Variants in SYT16 observed in about 807,000 individuals in gnomAD.
SYT16 encodes the protein synaptotagmin-16.
SYT16 carries 42 observed loss-of-function variants against 61.4 expected under a neutral mutation model. The observed-to-expected ratio is 0.68, with a 90% CI of 0.53 to 0.89. SYT16 has a LOEUF of 0.89. Ranked by LOEUF, SYT16 falls within the 40% of genes least tolerant of loss-of-function variation. The probability of loss-of-function intolerance (pLI) is 0.00; values close to 1 mark genes in which losing one functional copy is unlikely to be tolerated. For synonymous variants in SYT16, 314 were observed against 302.3 expected (o/e 1.04, Z -0.40); for missense variants, 804 against 807.3 (o/e 1.00, Z 0.05).
At chr14:61,971,419 C>G (rs1169144334) in intron 2 of SYT16, among the ~76,000 whole-genome samples, 3 of 152,100 alleles carry the variant, frequency 2.0e-5, no homozygotes, top group Non-Finnish European at 4.4e-5. Context: ...GTCAGAGTCC[C>G]CTCCAGGATG....
At chr14:62,000,439 A>G (rs886150120) in intron 3 of SYT16, among the ~76,000 whole-genome samples, 1 of 151,712 alleles carries the variant, frequency 6.6e-6, no homozygotes, top group African/African-American at 2.4e-5. Flanking sequence ...CTTTAAACCT[A>G]TTTTATGTGG....
At chr14:61,833,970 ATTT>A (rs544826072) in intron 1 of SYT16, among the ~76,000 whole-genome samples, 3 of 117,290 alleles carry the variant, frequency 2.6e-5, no homozygotes, top group African/African-American at 6.3e-5. Flanking sequence ...TCTGGCTTTG[ATTT>A]TTTTTTTTTT....
chr14:61,914,144 T>C (rs993794338), intron 1 of SYT16, among the ~76,000 whole-genome samples: 2 of 152,158 alleles, frequency 1.3e-5, no homozygotes, highest in African/African-American at 2.4e-5. Context: ...GGGATAGCAT[T>C]AATTTCTCTG....
intron 1 of SYT16, among the ~76,000 whole-genome samples, chr14:61,830,412 G>T (rs1054570112): frequency 6.6e-6 from 1 of 152,208 alleles, no homozygotes; most frequent in African/African-American, 2.4e-5. Flanking sequence ...TGGCTTGAAT[G>T]TCGATTTAGT....
chr14:61,816,959 C>A (rs550780539), intron 1 of SYT16, among the ~76,000 whole-genome samples: 19 of 148,600 alleles, frequency 1.3e-4, no homozygotes, highest in Admixed American at 1.2e-3. Flanking sequence ...TGCAGTGAGC[C>A]GAGATCCTGC....
chr14:61,834,358 T>C (rs1198835373), intron 1 of SYT16, among the ~76,000 whole-genome samples: 1 of 150,904 alleles, frequency 6.6e-6, no homozygotes. Flanking sequence ...TCTTAGACTC[T>C]TGGCCTCGTG....
chr14:62,063,334 G>A (rs2055911489), intron 3 of SYT16, among the ~76,000 whole-genome samples: 2 of 152,186 alleles, frequency 1.3e-5, no homozygotes. Context: ...CATGATGGGG[G>A]ATGCTGATGA....
Position 61,978,939 on chromosome 14 carries a change from A to G in SYT16, c.-145+8628A>G, listed in dbSNP as rs143507761. Among the ~76,000 whole-genome samples, 146 of 152,352 alleles carry G rather than the reference A, an allele frequency of 9.6e-4. 4 individuals carry two copies. The East Asian group carries it at 0.026, about 27-fold the overall frequency. ...TAAGATTATTCAAGATTGTCAAATTATAACCAACTTTAATTTAAATTCAAG... is the reference window on the plus strand; with the variant it reads ...TAAGATTATTCAAGATTGTCAAATTGTAACCAACTTTAATTTAAATTCAAG... On this transcript the variant is annotated intron_variant, in intron 2 of 7. Transcript: ENST00000683842.
chr14:62,054,360 G>GTTGTGTTTTTTTTTT (rs1411904235), intron 3 of SYT16, among the ~76,000 whole-genome samples: 66 of 118,246 alleles, frequency 5.6e-4, no homozygotes, highest in Admixed American at 2.3e-3. Context: ...AGTGAAGTGA[G>GTTGTGTTTTTTTTTT]TTTTTTTTTT....
intron 1 of SYT16, among the ~76,000 whole-genome samples, chr14:61,871,738 T>C (rs2047339371): frequency 6.6e-6 from 1 of 152,204 alleles, no homozygotes; most frequent in Non-Finnish European, 1.5e-5. Flanking sequence ...CACATGAAAT[T>C]ACAATAATTA....
intron 1 of SYT16, among the ~76,000 whole-genome samples, chr14:61,901,381 A>G (rs896344157): frequency 2.6e-5 from 4 of 152,114 alleles, no homozygotes; most frequent in African/African-American, 7.2e-5. Context: ...CCTCCCAGCC[A>G]TCTTTGTTGC....
intron 1 of SYT16, among the ~76,000 whole-genome samples, chr14:61,949,788 C>T (rs528897378): frequency 1.1e-4 from 16 of 152,294 alleles, no homozygotes; most frequent in African/African-American, 3.6e-4. Flanking sequence ...CTTTAGCCCC[C>T]TGTGATTCTG....
At chr14:62,097,502 C>T (rs1304826769) in intron 7 of SYT16, among the ~76,000 whole-genome samples, 1 of 152,184 alleles carries the variant, frequency 6.6e-6, no homozygotes, top group African/African-American at 2.4e-5. Flanking sequence ...AGACCCTGGT[C>T]ATGCTCCCCA....
At chr14:62,091,043 C>T (rs907359380) in intron 7 of SYT16, among the ~76,000 whole-genome samples, 8 of 152,222 alleles carry the variant, frequency 5.3e-5, no homozygotes, top group Admixed American at 1.3e-4. Flanking sequence ...ATGGGAGCCA[C>T]AATTCAAGAT....
At chr14:61,943,454 C>T (rs2050289376) in intron 1 of SYT16, among the ~76,000 whole-genome samples, 1 of 152,168 alleles carries the variant, frequency 6.6e-6, no homozygotes, top group African/African-American at 2.4e-5. Context: ...GGGCAATATC[C>T]CTCATGAACA....
intron 7 of SYT16, among the ~76,000 whole-genome samples, chr14:62,097,463 T>C (rs2057307076): frequency 6.6e-6 from 1 of 152,164 alleles, no homozygotes; most frequent in South Asian, 2.1e-4. Flanking sequence ...CTGACTGGTG[T>C]TCATCAGAGT....
chr14:61,860,202 C>G (rs1356646580), intron 1 of SYT16, among the ~76,000 whole-genome samples: 1 of 152,206 alleles, frequency 6.6e-6, no homozygotes, highest in Non-Finnish European at 1.5e-5. Flanking sequence ...TTTGAAAGAA[C>G]TGCTTCTTTC....
At chr14:61,916,555 A>G (rs77117507) in intron 1 of SYT16, among the ~76,000 whole-genome samples, 2,822 of 152,260 alleles carry the variant, frequency 0.019, 44 homozygotes, top group Non-Finnish European at 0.027. Context: ...TCAGATATCT[A>G]TCACCTCAAA....
chr14:61,998,088 T>C (rs1356676347), intron 3 of SYT16, among the ~76,000 whole-genome samples: 1 of 151,992 alleles, frequency 6.6e-6, no homozygotes, highest in Non-Finnish European at 1.5e-5. Flanking sequence ...GTTGAGAAAA[T>C]TGATGGTGAG....
Sources: allele counts gnomAD v4.1 joint callset (sites outside exome capture counted in the v4.1 genomes callset), GRCh38; gene constraint gnomAD v4.1.1; transcripts MANE v1.5; gene names NCBI Gene and HGNC (gene_info 2026-07-23, HGNC 2026-07-21).